Variants in DPP6 observed in about 807,000 individuals in gnomAD.
DPP6 encodes the protein A-type potassium channel modulatory protein DPP6.
A neutral mutation model predicts 122.6 loss-of-function variants in DPP6; 69 were observed. That is an observed-to-expected ratio of 0.56 (90% confidence interval 0.46 to 0.69). The LOEUF (loss-of-function observed/expected upper bound fraction) is 0.69, where lower values mean the gene tolerates loss of function less well. Among genes scored for constraint, DPP6 ranks in the 30% least tolerant of loss-of-function variants. The probability of loss-of-function intolerance (pLI) is 0.00; values close to 1 mark genes in which losing one functional copy is unlikely to be tolerated. For synonymous variants in DPP6, 418 were observed against 433.1 expected (o/e 0.97, Z 0.43); for missense variants, 928 against 1,116.9 (o/e 0.83, Z 2.41).
chr7:154,616,121 T>G (rs1834237917), intron 5 of DPP6, among the ~76,000 whole-genome samples: 1 of 152,130 alleles, frequency 6.6e-6, no homozygotes, highest in Non-Finnish European at 1.5e-5. Flanking sequence ...CCCACCCAGA[T>G]GTCTCTAATT....
chr7:154,553,792 A>G (rs1173894640), intron 4 of DPP6, among the ~76,000 whole-genome samples: 5 of 151,846 alleles, frequency 3.3e-5, no homozygotes, highest in African/African-American at 4.8e-5. Context: ...CACTGTGTTC[A>G]TATCTGTGAG....
intron 3 of DPP6, among the ~76,000 whole-genome samples, chr7:154,488,805 T>C (rs1824021793): frequency 6.6e-6 from 1 of 151,958 alleles, no homozygotes; most frequent in South Asian, 2.1e-4. Context: ...ATATTTGGGG[T>C]GTGATATCAT....
At chr7:153,900,099 G>C (rs577659759) in intron 1 of DPP6, among the ~76,000 whole-genome samples, 87 of 152,288 alleles carry the variant, frequency 5.7e-4, no homozygotes, top group Non-Finnish European at 9.7e-4. Context: ...TGAATCAGAA[G>C]CTCAGAGGGT....
chr7:154,443,548 A>G (rs911254214), intron 1 of DPP6, among the ~76,000 whole-genome samples: 1 of 150,356 alleles, frequency 6.7e-6, no homozygotes, highest in Non-Finnish European at 1.5e-5. Flanking sequence ...GGATGAGTGA[A>G]TGGATGGACG....
chr7:154,136,903 C>G (rs1795583649), intron 1 of DPP6, among the ~76,000 whole-genome samples: 1 of 152,182 alleles, frequency 6.6e-6, no homozygotes, highest in Non-Finnish European at 1.5e-5. Flanking sequence ...AAAATTCAGT[C>G]TTTAAAAATT....
At chr7:154,183,288 A>G (rs1798186258) in intron 1 of DPP6, among the ~76,000 whole-genome samples, 1 of 152,222 alleles carries the variant, frequency 6.6e-6, no homozygotes. Context: ...TCCCAAAAGA[A>G]CAGTGTTCAT....
chr7:154,109,330 G>A (rs1419984193), intron 1 of DPP6, among the ~76,000 whole-genome samples: 5 of 151,160 alleles, frequency 3.3e-5, no homozygotes, highest in Admixed American at 2.6e-4. Context: ...TTGCTCTGTT[G>A]CCCAGGCTGG....
rs1797442609 is a variant in DPP6, at chr7:154,787,987, A to AT, written c.1137-6090dup. Among the ~76,000 whole-genome samples, 3 of 152,266 alleles carry AT rather than the reference A, an allele frequency of 2.0e-5. 1 individual carries two copies. The East Asian group carries it at 5.8e-4, about 29-fold the overall frequency. On this transcript the variant is annotated intron_variant, in intron 10 of 25. Transcript: ENST00000377770. ...AACTATTTGCCCAGTATTTCTTTAT[A>AT]TTATTTTTATCACTTAATTTGAATT...
chr7:153,976,979 G>C (rs1215191882), intron 1 of DPP6, among the ~76,000 whole-genome samples: 2 of 152,344 alleles, frequency 1.3e-5, no homozygotes, highest in South Asian at 2.1e-4. Flanking sequence ...TCAGGGGATA[G>C]CACCCTCTGC....
intron 1 of DPP6, among the ~76,000 whole-genome samples, chr7:153,928,009 T>C (rs1326755508): frequency 1.3e-5 from 2 of 152,160 alleles, no homozygotes; most frequent in Non-Finnish European, 2.9e-5. Flanking sequence ...TCCGCCTCTC[T>C]TTCTCTTGCG....
chr7:154,681,602 G>A (rs3807227), intron 7 of DPP6, among the ~76,000 whole-genome samples: 13,070 of 152,210 alleles, frequency 0.086, 640 homozygotes, highest in East Asian at 0.15. Context: ...TAGGGCGGGG[G>A]AGGGCTGTAC....
the DPP6 span, among the ~76,000 whole-genome samples, chr7:153,829,309 G>A: frequency 2.0e-5 from 3 of 152,198 alleles, no homozygotes; most frequent in Admixed American, 1.3e-4. Context: ...TCCACTTCCC[G>A]GGTTCAAGCA....
At chr7:154,213,269 A>T (rs931320045) in intron 1 of DPP6, among the ~76,000 whole-genome samples, 15 of 152,222 alleles carry the variant, frequency 9.9e-5, no homozygotes, top group Non-Finnish European at 2.1e-4. Context: ...GCAAGTAGCA[A>T]TTCAATACTT....
At chr7:154,252,065 T>C (rs1802381982) in intron 1 of DPP6, among the ~76,000 whole-genome samples, 1 of 152,230 alleles carries the variant, frequency 6.6e-6, no homozygotes, top group Admixed American at 6.5e-5. Context: ...CAATGTACAG[T>C]CTAGCAGTGG....
At chr7:154,326,863 A>T (rs929204220) in intron 1 of DPP6, among the ~76,000 whole-genome samples, 1 of 152,132 alleles carries the variant, frequency 6.6e-6, no homozygotes, top group African/African-American at 2.4e-5. Context: ...CATTTAAAAG[A>T]TTTCCTCTTG....
chr7:154,671,239 A>C (rs1043961816), intron 7 of DPP6, among the ~76,000 whole-genome samples: 2 of 117,584 alleles, frequency 1.7e-5, no homozygotes, highest in Non-Finnish European at 3.7e-5. Flanking sequence ...ATCATCTGTG[A>C]AAGTGGCCAT....
intron 6 of DPP6, among the ~76,000 whole-genome samples, chr7:154,646,141 G>T (rs1207758008): frequency 6.6e-6 from 1 of 150,662 alleles, no homozygotes; most frequent in Non-Finnish European, 1.5e-5. Flanking sequence ...CCCTAAATTT[G>T]GGACAGAAAA....
the DPP6 span, among the ~76,000 whole-genome samples, chr7:153,857,340 C>CTCTCTCTCTCAA: frequency 6.6e-6 from 1 of 151,240 alleles, no homozygotes; most frequent in Non-Finnish European, 1.5e-5. Flanking sequence ...CTCTCTCTCT[C>CTCTCTCTCTCAA]TCTCTCTCTC....
intron 1 of DPP6, among the ~76,000 whole-genome samples, chr7:154,093,071 CAT>C (rs1436057638): frequency 2.0e-5 from 3 of 151,664 alleles, no homozygotes; most frequent in South Asian, 2.1e-4. Context: ...ACCACACACA[CAT>C]ATCACATAAT....
Sources: allele counts gnomAD v4.1 joint callset (sites outside exome capture counted in the v4.1 genomes callset), GRCh38; gene constraint gnomAD v4.1.1; transcripts MANE v1.5; gene names NCBI Gene and HGNC (gene_info 2026-07-23, HGNC 2026-07-21).